TAS2R1: variants seen among roughly 807,000 people sequenced by gnomAD.
The protein encoded by TAS2R1 is taste receptor type 2 member 1.
For missense variants in TAS2R1, 370 were observed against 353.4 expected (o/e 1.05, Z -0.38); for synonymous variants, 141 against 134.2 (o/e 1.05, Z -0.35).
chr5:9,849,560 C>T, the TAS2R1 span, among the ~76,000 whole-genome samples: 1 of 152,226 alleles, frequency 6.6e-6, no homozygotes, highest in Non-Finnish European at 1.5e-5. Flanking sequence ...CTGCAGGTGA[C>T]ATTTCAGGCA....
At chr5:9,780,878 A>T in the TAS2R1 span, among the ~76,000 whole-genome samples, 1 of 152,210 alleles carries the variant, frequency 6.6e-6, no homozygotes, top group African/African-American at 2.4e-5. Flanking sequence ...AGGTCTTAAG[A>T]GCGAAAACTG....
intron 2 of TAS2R1, among the ~76,000 whole-genome samples, chr5:9,647,767 T>C (rs757993088): frequency 5.3e-5 from 8 of 152,182 alleles, no homozygotes; most frequent in Non-Finnish European, 1.0e-4. Flanking sequence ...ATATTCTTTC[T>C]CAATTATTCA....
chr5:9,682,810 G>A (rs1309345388), intron 1 of TAS2R1, among the ~76,000 whole-genome samples: 1 of 152,152 alleles, frequency 6.6e-6, no homozygotes, highest in African/African-American at 2.4e-5. Context: ...CAACCCCAAT[G>A]AGGACACCCA....
chr5:9,880,027 T>C, the TAS2R1 span, among the ~76,000 whole-genome samples: 23 of 152,310 alleles, frequency 1.5e-4, no homozygotes, highest in Non-Finnish European at 5.9e-5. Context: ...TACAAGCCCC[T>C]GAAGAAGCCA....
the TAS2R1 span, among the ~76,000 whole-genome samples, chr5:9,786,484 A>C: frequency 6.6e-6 from 1 of 152,194 alleles, no homozygotes; most frequent in Admixed American, 6.5e-5. Flanking sequence ...CCTAGAATTT[A>C]CCTTTCTTAC....
chr5:9,846,097 G>A, the TAS2R1 span, among the ~76,000 whole-genome samples: 9 of 152,158 alleles, frequency 5.9e-5, no homozygotes, highest in Non-Finnish European at 1.2e-4. Context: ...AAAAAGGTGT[G>A]TAACACAAAT....
the TAS2R1 span, chr5:9,903,572 A>G: frequency 6.6e-6 from 1 of 151,898 alleles, no homozygotes; most frequent in South Asian, 2.1e-4. Context: ...AGAACAGATG[A>G]TGTTTGGTTT....
chr5:9,700,062 T>C (rs538056264), intron 1 of TAS2R1, among the ~76,000 whole-genome samples: 4 of 152,320 alleles, frequency 2.6e-5, no homozygotes, highest in Admixed American at 6.5e-5. Context: ...TGTTTAACCT[T>C]ATGCCAATGT....
intron 1 of TAS2R1, among the ~76,000 whole-genome samples, chr5:9,684,800 A>T (rs79714528): frequency 0.024 from 3,689 of 152,352 alleles, 62 homozygotes; most frequent in East Asian, 0.08. Flanking sequence ...GTATACATGT[A>T]TCAAAATCTC....
the TAS2R1 span, among the ~76,000 whole-genome samples, chr5:9,869,052 C>T: frequency 6.6e-6 from 1 of 152,156 alleles, no homozygotes; most frequent in South Asian, 2.1e-4. Flanking sequence ...GTTTTCTGAG[C>T]CCTCCAAGTC....
chr5:9,711,903 C>T (rs1195507236), intron 1 of TAS2R1, among the ~76,000 whole-genome samples: 1 of 150,998 alleles, frequency 6.6e-6, no homozygotes, highest in African/African-American at 2.4e-5. Context: ...TGACCTCAGG[C>T]GATGCACCCA....
chr5:9,663,031 T>G (rs114953357), intron 1 of TAS2R1, among the ~76,000 whole-genome samples: 2,920 of 152,286 alleles, frequency 0.019, 89 homozygotes, highest in African/African-American at 0.066. Flanking sequence ...TGGTTGTACT[T>G]TCATCCACTT....
At chr5:9,756,736 T>C in the TAS2R1 span, among the ~76,000 whole-genome samples, 3 of 152,174 alleles carry the variant, frequency 2.0e-5, no homozygotes, top group Non-Finnish European at 4.4e-5. Flanking sequence ...TTTCTAAATA[T>C]AGGAGCTGAT....
chr5:9,753,430 G>A, the TAS2R1 span, among the ~76,000 whole-genome samples: 12 of 152,168 alleles, frequency 7.9e-5, no homozygotes, highest in East Asian at 2.3e-3. Flanking sequence ...TGAGTTCATT[G>A]TAGATTCTGG....
chr5:9,818,883 A>T, the TAS2R1 span, among the ~76,000 whole-genome samples: 1 of 152,338 alleles, frequency 6.6e-6, no homozygotes, highest in South Asian at 2.1e-4. Flanking sequence ...CATAGACTTC[A>T]AAATTGTAAA....
intron 1 of TAS2R1, among the ~76,000 whole-genome samples, chr5:9,711,915 C>T (rs1305332443): frequency 1.3e-5 from 2 of 151,586 alleles, no homozygotes; most frequent in Non-Finnish European, 2.9e-5. Context: ...ATGCACCCAC[C>T]TCGGCCTCCT....
chr5:9,707,275 C>T (rs1413888632), intron 1 of TAS2R1, among the ~76,000 whole-genome samples: 1 of 152,144 alleles, frequency 6.6e-6, no homozygotes, highest in East Asian at 1.9e-4. Flanking sequence ...GTCCTGCAGA[C>T]TCCCAACTCC....
intron 1 of TAS2R1, among the ~76,000 whole-genome samples, chr5:9,669,771 G>C (rs527562135): frequency 4.6e-5 from 7 of 152,230 alleles, no homozygotes; most frequent in African/African-American, 1.7e-4. Context: ...AGTGTTAAGA[G>C]GGAAGTTTAC....
At chr5:9,899,765 C>CA in the TAS2R1 span, among the ~76,000 whole-genome samples, 1 of 151,966 alleles carries the variant, frequency 6.6e-6, no homozygotes, top group Non-Finnish European at 1.5e-5. Flanking sequence ...TTTCTCCCTG[C>CA]TTAATGGTCT....
Sources: gnomAD v4.1 joint callset for allele counts (sites outside exome capture counted in the v4.1 genomes callset) on GRCh38, gnomAD v4.1.1 for gene constraint, MANE v1.5 for transcripts, NCBI Gene and HGNC (gene_info 2026-07-23, HGNC 2026-07-21) for gene names.